The following CPEB3 variants were observed in gnomAD, a reference collection of about 807,000 sequenced individuals.
CPEB3 encodes the protein cytoplasmic polyadenylation element binding protein 3.
Under a neutral mutation model 67.2 loss-of-function variants are expected in CPEB3, and 20 were observed. That is an observed-to-expected ratio of 0.30 (90% confidence interval 0.21 to 0.43). The LOEUF (loss-of-function observed/expected upper bound fraction) is 0.43. Among genes scored for constraint, CPEB3 ranks in the 20% least tolerant of loss-of-function variants. The probability of loss-of-function intolerance (pLI) is 1.00; values close to 1 mark genes in which losing one functional copy is unlikely to be tolerated. For missense variants in CPEB3, 746 were observed against 968.6 expected, an observed-to-expected ratio of 0.77 and a Z score of 3.05; for synonymous variants, 376 against 393.1, an observed-to-expected ratio of 0.96 and a Z score of 0.51.
At chr10:92,233,447 G>T (rs1851370034) in intron 2 of CPEB3, among the ~76,000 whole-genome samples, 2 of 150,374 alleles carry the variant, frequency 1.3e-5, no homozygotes, top group Non-Finnish European at 2.9e-5. Flanking sequence ...TGAGGAATGA[G>T]AATTGCTTGA....
At chr10:92,166,909 T>C (rs1847771991) in intron 4 of CPEB3, among the ~76,000 whole-genome samples, 1 of 152,212 alleles carries the variant, frequency 6.6e-6, no homozygotes, top group South Asian at 2.1e-4. Flanking sequence ...CTGTTTAGGG[T>C]AGTCACCTTC....
intron 9 of CPEB3, among the ~76,000 whole-genome samples, chr10:92,077,753 AAGAAG>A (rs912564275): frequency 6.0e-5 from 9 of 149,304 alleles, no homozygotes; most frequent in African/African-American, 2.2e-4. Flanking sequence ...AAGAAAAGGG[AAGAAG>A]AGGAGAGAGG....
chr10:92,121,880 T>C (rs1845407709), intron 6 of CPEB3, among the ~76,000 whole-genome samples: 1 of 152,196 alleles, frequency 6.6e-6, no homozygotes, highest in South Asian at 2.1e-4. Flanking sequence ...GGCACTGCTC[T>C]AGCCAGAGCT....
At chr10:92,109,531 C>G (rs1244961867) in intron 7 of CPEB3, among the ~76,000 whole-genome samples, 1 of 152,018 alleles carries the variant, frequency 6.6e-6, no homozygotes, top group Admixed American at 6.5e-5. Flanking sequence ...GGATTACAGG[C>G]GTGAGCTACT....
intron 6 of CPEB3, among the ~76,000 whole-genome samples, chr10:92,116,295 A>G (rs547107183): frequency 6.6e-6 from 1 of 151,264 alleles, no homozygotes; most frequent in Non-Finnish European, 1.5e-5. Flanking sequence ...TGCACTTTCT[A>G]TTTTGCATTT....
At position 92,143,133 on chromosome 10, in the gene CPEB3, A is replaced by G; in HGVS notation, c.1364-15T>C. 6.2e-7 allele frequency: 1 copy of G among 1,600,106 alleles called. No homozygotes were observed. The highest frequency in any genetic ancestry group is 8.5e-7 in the Non-Finnish European group (1 of 1,170,244). ...AGTGATCTCATCTACAAAACAAAGA[A>G]AGAATCTTAGCAAAAGAGAAAAAAA... On this transcript the variant is annotated splice_polypyrimidine_tract_variant and intron_variant, in intron 5 of 9. Transcript: ENST00000265997.
chr10:92,224,439 T>C (rs549612940), intron 2 of CPEB3, among the ~76,000 whole-genome samples: 29 of 152,154 alleles, frequency 1.9e-4, no homozygotes, highest in Non-Finnish European at 3.7e-4. Flanking sequence ...CTCTTGGTGA[T>C]CTGGTGGCAC....
chr10:92,112,949 G>C (rs1048539239), intron 6 of CPEB3, among the ~76,000 whole-genome samples: 1 of 152,116 alleles, frequency 6.6e-6, no homozygotes, highest in Non-Finnish European at 1.5e-5. Flanking sequence ...TGGAGTCCTG[G>C]GCAACATGTA....
At chr10:92,270,931 C>A (rs933697327) in intron 1 of CPEB3, among the ~76,000 whole-genome samples, 5 of 152,144 alleles carry the variant, frequency 3.3e-5, no homozygotes, top group African/African-American at 1.2e-4. Context: ...AATCCCAGAA[C>A]TTGGGGAGGC....
rs139523031 is a variant in CPEB3, at chr10:92,170,639, AAGAG to A, written c.1222+10320_1222+10323del. Among the ~76,000 whole-genome samples, 8 of 152,306 alleles carry A rather than the reference AAGAG, an allele frequency of 5.3e-5. No homozygotes were observed. The South Asian group carries it at 1.7e-3, about 32-fold the overall frequency. ...GAAAGAGAAAAGAAGGAAGGAAAAA[AAGAG>A]AAAGATGGAGAATGAAAGGAAGGAA... On this transcript the variant is annotated intron_variant, in intron 4 of 9. Transcript: ENST00000265997.
chr10:92,179,606 A>G (rs1848376683), intron 4 of CPEB3, among the ~76,000 whole-genome samples: 6 of 152,270 alleles, frequency 3.9e-5, no homozygotes, highest in Admixed American at 3.9e-4. Context: ...ATCTAAATTT[A>G]AAGTGACCTT....
intron 4 of CPEB3, among the ~76,000 whole-genome samples, chr10:92,154,048 T>C (rs1474858209): frequency 6.6e-6 from 1 of 152,244 alleles, no homozygotes; most frequent in Non-Finnish European, 1.5e-5. Context: ...ATAGCCAACA[T>C]GTCTACTTAT....
chr10:92,215,297 C>T (rs746504239), intron 2 of CPEB3, among the ~76,000 whole-genome samples: 4 of 151,638 alleles, frequency 2.6e-5, no homozygotes, highest in Non-Finnish European at 4.4e-5. Context: ...GGATTACAGG[C>T]GCCCACCACT....
chr10:92,281,217 T>C (rs532502362), intron 1 of CPEB3, among the ~76,000 whole-genome samples: 14 of 148,272 alleles, frequency 9.4e-5, no homozygotes, highest in Non-Finnish European at 1.8e-4. Flanking sequence ...GTCCTTTGTC[T>C]GTTTTTAAAT....
chr10:92,178,277 G>GCCT (rs1020599565), intron 4 of CPEB3, among the ~76,000 whole-genome samples: 4 of 151,578 alleles, frequency 2.6e-5, no homozygotes, highest in African/African-American at 9.7e-5. Context: ...TCCTGCCTCA[G>GCCT]CCTCCTGAGC....
At chr10:92,144,607 T>C (rs1271871207) in intron 5 of CPEB3, among the ~76,000 whole-genome samples, 1 of 152,208 alleles carries the variant, frequency 6.6e-6, no homozygotes, top group Admixed American at 6.5e-5. Flanking sequence ...GTGATGCACA[T>C]GAGCAGAAGC....
At chr10:92,200,470 G>A (rs1006237510) in intron 2 of CPEB3, among the ~76,000 whole-genome samples, 8 of 148,398 alleles carry the variant, frequency 5.4e-5, no homozygotes, top group Non-Finnish European at 9.0e-5. Flanking sequence ...GCTTAAACCC[G>A]GGAGGCAGAG....
intron 2 of CPEB3, among the ~76,000 whole-genome samples, chr10:92,227,523 C>T (rs906951915): frequency 2.0e-5 from 3 of 152,148 alleles, no homozygotes; most frequent in Admixed American, 1.3e-4. Context: ...TAATGCCAAC[C>T]TTCTTAACTG....
chr10:92,240,297 C>A lies in CPEB3; in HGVS notation c.54G>T (p.Gln18His). Residue 18 changes from glutamine (Q) to histidine (H), a missense_variant, in exon 2 of 10, where the codon CAG becomes CAT. By Grantham distance (24) the Gln-to-His change is conservative. Transcript: ENST00000265997. The part of the protein sequence containing the change: ...DKSKTQPQPQ[Q>H]QQRQQQQPQP... ...GGGGCTGCTGCTGCTGCCGCTGCTG[C>A]TGCTGGGGCTGGGGCTGGGTTTTGC... 6.6e-7 allele frequency: 1 copy of A among 1,515,928 alleles called. No individual in the cohort carries two copies. Among genetic ancestry groups the A allele is most frequent in the Admixed American group, 2.2e-5 (1 of 44,546 alleles). The allele number at this position is 1,515,928 out of a possible 1,614,324, so 93.9% of individuals were successfully genotyped here.
Sources: allele counts gnomAD v4.1 joint callset (sites outside exome capture counted in the v4.1 genomes callset), GRCh38; gene constraint gnomAD v4.1.1; transcripts MANE v1.5; gene names NCBI Gene and HGNC (gene_info 2026-07-23, HGNC 2026-07-21).